Variants in ZNF804B observed in about 807,000 individuals in gnomAD.
The protein encoded by ZNF804B is zinc finger 804B.
In ZNF804B, 80 loss-of-function variants were observed where a neutral mutation model predicts 101.4. The ratio of observed to expected loss-of-function variants is 0.79; its 90% CI spans 0.66 to 0.95. The LOEUF (loss-of-function observed/expected upper bound fraction) is 0.95, where lower values mean the gene tolerates loss of function less well. ZNF804B is among the 40% of genes least tolerant of loss of function. The probability of loss-of-function intolerance (pLI) is 0.00; values close to 1 mark genes in which losing one functional copy is unlikely to be tolerated. For missense variants in ZNF804B, 1,673 were observed against 1,561.9 expected (o/e 1.07, Z -1.20); for synonymous variants, 622 against 558.8 (o/e 1.11, Z -1.59).
chr7:88,960,619 A>G (rs1045806018), intron 1 of ZNF804B, among the ~76,000 whole-genome samples: 7 of 151,384 alleles, frequency 4.6e-5, no homozygotes, highest in African/African-American at 1.7e-4. Flanking sequence ...GCTCTCTTAG[A>G]GATCTATTTA....
chr7:88,811,599 TAAAG>T (rs1392656516), intron 1 of ZNF804B, among the ~76,000 whole-genome samples: 1 of 152,030 alleles, frequency 6.6e-6, no homozygotes, highest in African/African-American at 2.4e-5. Flanking sequence ...ATAGATTGGA[TAAAG>T]AAAAGGTGGT....
chr7:89,177,033 T>G (rs1342409553), intron 1 of ZNF804B, among the ~76,000 whole-genome samples: 1 of 152,130 alleles, frequency 6.6e-6, no homozygotes, highest in Non-Finnish European at 1.5e-5. Context: ...CCTTTTTTTG[T>G]TAGTCTGGCT....
In ZNF804B at chr7:89,108,426, G is replaced by A. The variant is rs150320587; in HGVS notation, c.109-109729G>A. Among the ~76,000 whole-genome samples, 189 of 152,036 alleles carry A rather than the reference G, an allele frequency of 1.2e-3. 1 individual carries two copies. Among genetic ancestry groups the A allele is most frequent in the African/African-American group, 4.2e-3 (174 of 41,470 alleles). ...ACTGGCCATCTACATACATGAGGAG[G>A]GAAGGAAAAGTATCTTACTTTTTAT... is the stretch of plus-strand genomic sequence containing the variant. On this transcript the variant is annotated intron_variant, in intron 1 of 3. Transcript: ENST00000333190.
intron 1 of ZNF804B, among the ~76,000 whole-genome samples, chr7:89,043,172 C>T (rs1789044423): frequency 6.6e-6 from 1 of 152,146 alleles, no homozygotes; most frequent in Non-Finnish European, 1.5e-5. Flanking sequence ...GGTTGCCTGA[C>T]ATTTCCACTG....
intron 1 of ZNF804B, among the ~76,000 whole-genome samples, chr7:89,203,267 C>T (rs1334548067): frequency 6.6e-6 from 1 of 152,182 alleles, no homozygotes; most frequent in Non-Finnish European, 1.5e-5. Flanking sequence ...GGCTTTCTGA[C>T]TCCAGCTCAC....
At chr7:88,828,172 T>A (rs1791075468) in intron 1 of ZNF804B, among the ~76,000 whole-genome samples, 1 of 152,166 alleles carries the variant, frequency 6.6e-6, no homozygotes, top group Non-Finnish European at 1.5e-5. Context: ...ATCCCCTTTC[T>A]ATTTTTTAAA....
intron 2 of ZNF804B, among the ~76,000 whole-genome samples, chr7:89,298,127 A>ATATATATATATATCATATATATAG (rs1491160410): frequency 3.2e-3 from 5 of 1,554 alleles, no homozygotes; most frequent in Admixed American, 0.016. Context: ...TTTCATATAA[A>ATATATATATATATCATATATATAG]TATATATATA....
chr7:89,102,294 C>T lies in ZNF804B; in HGVS notation c.109-115861C>T, dbSNP rs188640941. On this transcript the variant is annotated intron_variant, in intron 1 of 3. Coordinates refer to ENST00000333190, the MANE Select transcript of ZNF804B (RefSeq NM_181646.5). ...TTGAATTAATTTGCATTCCCACCAA[C>T]AGTATGTGAGCATTCCTTTTTCTTC... Among the ~76,000 whole-genome samples the T allele has an allele frequency of 1.0e-3, 154 of 152,056 alleles. 1 individual carries two copies. Among genetic ancestry groups the T allele is most frequent in the African/African-American group, 3.5e-3 (145 of 41,562 alleles).
At chr7:88,761,497 T>C (rs956303492) in intron 1 of ZNF804B, among the ~76,000 whole-genome samples, 26 of 152,244 alleles carry the variant, frequency 1.7e-4, no homozygotes, top group Admixed American at 1.1e-3. Context: ...TTGGAGTTCC[T>C]GCAGTCTCAG....
chr7:89,175,774 A>T (rs746832480), intron 1 of ZNF804B, among the ~76,000 whole-genome samples: 15 of 151,926 alleles, frequency 9.9e-5, no homozygotes, highest in Non-Finnish European at 1.6e-4. Flanking sequence ...TTATTGTAGC[A>T]ATCTTTCACT....
intron 1 of ZNF804B, among the ~76,000 whole-genome samples, chr7:88,902,181 A>G (rs1161429517): frequency 6.6e-6 from 1 of 152,010 alleles, no homozygotes; most frequent in Non-Finnish European, 1.5e-5. Flanking sequence ...CATTGTATAT[A>G]AATTTTCATT....
chr7:89,205,628 T>A (rs1788704150), intron 1 of ZNF804B, among the ~76,000 whole-genome samples: 1 of 152,164 alleles, frequency 6.6e-6, no homozygotes, highest in East Asian at 1.9e-4. Flanking sequence ...CAGGTCACAG[T>A]GATGCCAAAG....
chr7:88,822,188 T>C (rs966485484), intron 1 of ZNF804B, among the ~76,000 whole-genome samples: 3 of 152,178 alleles, frequency 2.0e-5, no homozygotes, highest in Admixed American at 2.0e-4. Context: ...GAAAGATCTT[T>C]TACTAGTGCT....
At chr7:89,109,725 C>G (rs2116350174) in intron 1 of ZNF804B, among the ~76,000 whole-genome samples, 1 of 152,236 alleles carries the variant, frequency 6.6e-6, no homozygotes, top group Admixed American at 6.5e-5. Flanking sequence ...ATTCTACTCT[C>G]TTTTTCAAAA....
At chr7:89,066,009 C>T (rs1367829289) in intron 1 of ZNF804B, among the ~76,000 whole-genome samples, 1 of 152,052 alleles carries the variant, frequency 6.6e-6, no homozygotes, top group African/African-American at 2.4e-5. Context: ...TTATTCTGCC[C>T]ACCACAACAC....
At chr7:88,947,677 GA>G (rs751623319) in intron 1 of ZNF804B, among the ~76,000 whole-genome samples, 5 of 150,068 alleles carry the variant, frequency 3.3e-5, no homozygotes, top group Non-Finnish European at 7.4e-5. Context: ...ATATAAAAAA[GA>G]AAAAAAAACT....
chr7:89,240,472 A>G (rs1789351416), intron 2 of ZNF804B, among the ~76,000 whole-genome samples: 1 of 151,776 alleles, frequency 6.6e-6, no homozygotes, highest in African/African-American at 2.4e-5. Context: ...TAATTCTTAT[A>G]TATTCTAAGT....
intron 1 of ZNF804B, among the ~76,000 whole-genome samples, chr7:88,850,185 A>G (rs531624633): frequency 3.3e-5 from 5 of 152,144 alleles, no homozygotes; most frequent in African/African-American, 1.2e-4. Context: ...TGAGGTAAAA[A>G]CAAATAAGGT....
rs944550558 is a variant in ZNF804B, at chr7:89,337,131, T to C, written c.*99T>C. On this transcript the variant is annotated 3_prime_UTR_variant, in exon 4 of 4. Transcript: ENST00000333190. ...CTGTCAATTATAAGATTTAAAATAT[T>C]GCTGCCAATTCAAAATGTGACAAAT... 8.5e-7 allele frequency: 1 copy of C among 1,178,184 alleles called. No homozygotes were observed. Among genetic ancestry groups the C allele is most frequent in the East Asian group, 2.6e-5 (1 of 39,176 alleles). 73.0% of individuals were successfully genotyped at this position (1,178,184 alleles called of 1,614,324 possible).
Sources: gnomAD v4.1 joint callset for allele counts (sites outside exome capture counted in the v4.1 genomes callset) on GRCh38, gnomAD v4.1.1 for gene constraint, MANE v1.5 for transcripts, NCBI Gene and HGNC (gene_info 2026-07-23, HGNC 2026-07-21) for gene names.